The following OR2T2 variants were observed in gnomAD, a reference collection of about 807,000 sequenced individuals.
The protein encoded by OR2T2 is olfactory receptor 2T2.
For synonymous variants in OR2T2, 50 were observed against 162.7 expected (o/e 0.31, Z 5.27); for missense variants, 138 against 409.1 (o/e 0.34, Z 5.72).
chr1:248,448,939 T>TA (rs1335987862), intron 2 of OR2T2, among the ~76,000 whole-genome samples: 1 of 133,716 alleles, frequency 7.5e-6, no homozygotes, highest in Non-Finnish European at 1.6e-5. Context: ...TATTTGTGGC[T>TA]AAACACCTTT....
intron 2 of OR2T2, among the ~76,000 whole-genome samples, chr1:248,450,969 ATT>A (rs1223433642): frequency 7.6e-5 from 6 of 79,444 alleles, no homozygotes; most frequent in African/African-American, 3.0e-4. Flanking sequence ...ATGCTCATGT[ATT>A]TTTTTCTCCT....
chr1:248,453,211 C>A lies in OR2T2; in HGVS notation c.414C>A (p.Asn138Lys). The stretch of plus-strand genomic sequence containing the variant: ...CTCTACGGTACCCTCTCCTCATGAA[C>A]CGCAGGGTTTGCTTATTCATGGTGG... Residue 138 changes from asparagine (N) to lysine (K), a missense_variant, in exon 3 of 3, where the codon AAC becomes AAA. Physicochemically the swap from Asn to Lys is moderately conservative, Grantham distance 94. Coordinates refer to ENST00000642130, the Ensembl canonical transcript of OR2T2. 6.2e-7 allele frequency: 1 copy of A among 1,609,722 alleles called. No homozygotes were observed. The highest frequency in any genetic ancestry group is 8.5e-7 in the Non-Finnish European group (1 of 1,177,848).
At chr1:248,446,954 T>A (rs1253916880) in intron 2 of OR2T2, 143 bp downstream of exon 2, 1 of 146,198 alleles carries the variant, frequency 6.8e-6, no homozygotes, top group African/African-American at 2.7e-5. Context: ...ACTTCTATCT[T>A]ATGCCTAATT....
At chr1:248,448,218 AGC>A in intron 2 of OR2T2, among the ~76,000 whole-genome samples, 2 of 151,174 alleles carry the variant, frequency 1.3e-5, no homozygotes, top group Non-Finnish European at 2.9e-5. Context: ...AACCCTCATA[AGC>A]TGACTTTGCC....
intron 2 of OR2T2, among the ~76,000 whole-genome samples, chr1:248,449,726 G>A (rs1662746374): frequency 8.0e-6 from 1 of 124,490 alleles, no homozygotes; most frequent in Non-Finnish European, 1.6e-5. Flanking sequence ...AGGGGTTCTG[G>A]GTTATGTTCT....
exon 3 of OR2T2, chr1:248,454,090 G>A: frequency 3.4e-6 from 1 of 292,166 alleles, no homozygotes; most frequent in South Asian, 2.5e-5. Flanking sequence ...ATTTCCAGAG[G>A]GCATTCTCAG....
Position 248,453,794 on chromosome 1 carries a change from A to G in OR2T2, c.*22A>G, listed in dbSNP as rs78674169. 1.2e-3 allele frequency: 1,684 copies of G among 1,450,904 alleles called. 78 individuals are homozygous for G. The African/African-American group carries it at 0.026, about 22-fold the overall frequency. The allele number at this position is 1,450,904 out of a possible 1,614,324, so 89.9% of individuals were successfully genotyped here. On this transcript the variant is annotated 3_prime_UTR_variant, in exon 3 of 3. Coordinates refer to ENST00000642130, the Ensembl canonical transcript of OR2T2. ...CTAGCAGGGACTCCCACAGCATCAG[A>G]GTGGTGACTGTGATCGGGAAGGATT...
At chr1:248,448,297 T>TCA (rs766261665) in intron 2 of OR2T2, among the ~76,000 whole-genome samples, 11,510 of 126,852 alleles carry the variant, frequency 0.091, 89 homozygotes, top group African/African-American at 0.22. Flanking sequence ...AGTTTTGCTG[T>TCA]CACATCAAAC....
chr1:248,447,647 G>C (rs566469826), intron 2 of OR2T2, among the ~76,000 whole-genome samples: 15 of 151,414 alleles, frequency 9.9e-5, no homozygotes, highest in South Asian at 4.2e-4. Context: ...GAATCAGACC[G>C]GTTTCCCTCT....
chr1:248,446,208 A>G (rs1216399753), intron 1 of OR2T2, among the ~76,000 whole-genome samples: 1 of 142,218 alleles, frequency 7.0e-6, no homozygotes, highest in African/African-American at 2.9e-5. Flanking sequence ...TATTGAACCC[A>G]TAAGGCATCC....
At chr1:248,454,991 T>C (rs1662902682) in exon 3 of OR2T2, 2 of 150,502 alleles carry the variant, frequency 1.3e-5, no homozygotes, top group East Asian at 1.9e-4. Flanking sequence ...AACATCTTCA[T>C]TGATATGCTG....
At chr1:248,448,826 TG>T (rs1408670397) in intron 2 of OR2T2, among the ~76,000 whole-genome samples, 13 of 75,406 alleles carry the variant, frequency 1.7e-4, no homozygotes, top group East Asian at 4.9e-4. Flanking sequence ...GTTGGTGACA[TG>T]CCATTCTTTT....
Position 248,452,615 on chromosome 1 carries a change from C to T in OR2T2, c.-22-161C>T, listed in dbSNP as rs1662823192. Among the ~76,000 whole-genome samples, 3 of 136,114 alleles carry T rather than the reference C, an allele frequency of 2.2e-5. No individual in the cohort carries two copies. The South Asian group carries it at 7.5e-4, about 34-fold the overall frequency. The allele number at this position is 136,114 out of a possible 152,430, so 89.3% of individuals were successfully genotyped here. A position where few individuals can be genotyped will look rare whatever the true frequency, so the allele number is the denominator to read the frequency against. On this transcript the variant is annotated intron_variant, in intron 2 of 2. Transcript: ENST00000642130. ...AATTGAGTTGAGATTAATTTTCTGT[C>T]CAATATCATACAGATCATTAATACT...
intron 2 of OR2T2, among the ~76,000 whole-genome samples, chr1:248,447,502 C>A (rs1157768914): frequency 6.9e-6 from 1 of 145,238 alleles, no homozygotes; most frequent in Admixed American, 7.0e-5. Flanking sequence ...TCTCCACGGG[C>A]TCTTCAGCTG....
intron 2 of OR2T2, among the ~76,000 whole-genome samples, chr1:248,450,278 G>A (rs1341690361): frequency 7.3e-6 from 1 of 136,160 alleles, no homozygotes; most frequent in Non-Finnish European, 1.5e-5. Flanking sequence ...CACATACCAT[G>A]CTCACACACT....
chr1:248,447,996 C>T (rs1324908517), intron 2 of OR2T2, among the ~76,000 whole-genome samples: 1 of 152,296 alleles, frequency 6.6e-6, no homozygotes. Flanking sequence ...TTGATTCACA[C>T]TGTCTATGCT....
chr1:248,455,071 TACTA>T (rs1270434529), exon 3 of OR2T2: 157 of 151,722 alleles, frequency 1.0e-3, no homozygotes, highest in African/African-American at 3.6e-3. Context: ...TTTGGTGGAA[TACTA>T]ACTAAGCAAA....
intron 2 of OR2T2, among the ~76,000 whole-genome samples, chr1:248,447,164 A>G (rs1424770722): frequency 3.3e-5 from 5 of 151,200 alleles, no homozygotes; most frequent in Non-Finnish European, 7.4e-5. Flanking sequence ...CTGTGGAGAG[A>G]AGGGGATAAA....
chr1:248,455,379 A>AT (rs1342671936), exon 3 of OR2T2: 1 of 65,114 alleles, frequency 1.5e-5, no homozygotes. Flanking sequence ...CTTTTCATTC[A>AT]GAAGGTTCCT....
Sources: allele counts gnomAD v4.1 joint callset (sites outside exome capture counted in the v4.1 genomes callset), GRCh38; gene constraint gnomAD v4.1.1; transcripts MANE v1.5; gene names NCBI Gene and HGNC (gene_info 2026-07-23, HGNC 2026-07-21).